The following RAB33B variants were observed in gnomAD, a reference collection of about 807,000 sequenced individuals.
RAB33B encodes ras-related protein Rab-33B.
RAB33B carries 6 observed loss-of-function variants against 15.0 expected under a neutral mutation model. The observed-to-expected ratio is 0.40, with a 90% CI of 0.22 to 0.79. The LOEUF is 0.79. Ranked by LOEUF, RAB33B falls within the 30% of genes least tolerant of loss-of-function variation. The pLI, the probability that RAB33B is intolerant of heterozygous loss-of-function variation, is 0.37. For synonymous variants in RAB33B, 117 were observed against 108.3 expected (o/e 1.08, Z -0.50); for missense variants, 257 against 296.4 (o/e 0.87, Z 0.98).
chr4:139,454,890 G>A (rs1750034322), intron 1 of RAB33B, among the ~76,000 whole-genome samples: 1 of 152,206 alleles, frequency 6.6e-6, no homozygotes, highest in Non-Finnish European at 1.5e-5. Context: ...TTCGAGCAGT[G>A]CCTTAGATGT....
chr4:139,454,825 G>A (rs1211557940), intron 1 of RAB33B, among the ~76,000 whole-genome samples: 1 of 152,172 alleles, frequency 6.6e-6, no homozygotes, highest in African/African-American at 2.4e-5. Context: ...GAAAAACAGT[G>A]AAATTGCGCG....
At chr4:139,451,401 G>T (rs1306316447), upstream of RAB33B, 1 of 139,684 alleles carries the variant, frequency 7.2e-6, no homozygotes, top group Admixed American at 7.2e-5. Context: ...GAGACAGGAG[G>T]TCTCACTCTG....
At chr4:139,457,109 C>T (rs1424943229) in intron 1 of RAB33B, among the ~76,000 whole-genome samples, 2 of 152,058 alleles carry the variant, frequency 1.3e-5, no homozygotes, top group Non-Finnish European at 2.9e-5. Context: ...TAATCATGGA[C>T]TAGAAAATTT....
chr4:139,461,251 T>C (rs947043634), intron 1 of RAB33B, among the ~76,000 whole-genome samples: 5 of 152,162 alleles, frequency 3.3e-5, no homozygotes, highest in East Asian at 1.9e-4. Flanking sequence ...TGGGAGCCAG[T>C]GGTTCATGTG....
At chr4:139,449,514 G>A (rs1267358701), upstream of RAB33B, 2 of 152,042 alleles carry the variant, frequency 1.3e-5, no homozygotes, top group Non-Finnish European at 2.9e-5. Context: ...AATCTGGGCG[G>A]GCACCATCTA....
chr4:139,460,030 T>G (rs1472888078), intron 1 of RAB33B, among the ~76,000 whole-genome samples: 1 of 152,070 alleles, frequency 6.6e-6, no homozygotes, highest in Non-Finnish European at 1.5e-5. Context: ...AATCCAGAAT[T>G]GAGGTGATAA....
upstream of RAB33B, chr4:139,453,973 C>A: frequency 2.4e-6 from 1 of 422,560 alleles, no homozygotes. Context: ...TGGCGTGTGG[C>A]CGCGGGCAGG....
At chr4:139,440,645 C>T in the RAB33B span, among the ~76,000 whole-genome samples, 3 of 150,952 alleles carry the variant, frequency 2.0e-5, no homozygotes, top group African/African-American at 7.3e-5. Context: ...CAGAGTCTCG[C>T]TCTGTTACCT....
intron 1 of RAB33B, among the ~76,000 whole-genome samples, chr4:139,472,062 G>A (rs1012322274): frequency 2.0e-5 from 3 of 152,128 alleles, no homozygotes; most frequent in African/African-American, 7.2e-5. Context: ...ATTGATTTCT[G>A]TATCTGATCT....
chr4:139,469,746 G>A (rs1010030064), intron 1 of RAB33B, among the ~76,000 whole-genome samples: 9 of 152,168 alleles, frequency 5.9e-5, no homozygotes, highest in Non-Finnish European at 1.0e-4. Context: ...TTGCAGACTC[G>A]TAGAGTTACC....
intron 1 of RAB33B, among the ~76,000 whole-genome samples, chr4:139,466,257 A>G (rs1266404296): frequency 6.6e-6 from 1 of 152,232 alleles, no homozygotes; most frequent in Non-Finnish European, 1.5e-5. Flanking sequence ...TTTATAAATG[A>G]CATGCATGTT....
upstream of RAB33B, chr4:139,454,003 G>C (rs886059075): frequency 1.9e-6 from 1 of 513,832 alleles, no homozygotes; most frequent in Non-Finnish European, 3.1e-6. Context: ...GCGGCGGGGC[G>C]GGCGGGTGCC....
Position 139,458,782 on chromosome 4 carries a change from G to A in RAB33B, c.249+4338G>A, listed in dbSNP as rs542315122. On this transcript the variant is annotated intron_variant, in intron 1 of 1. Coordinates refer to ENST00000305626, the MANE Select transcript of RAB33B (RefSeq NM_031296.3). ...TCCTTTGAGTGTATACCCAATAATGGGATTGCTGGAGCAAATGATAATTCT... is the reference window on the plus strand; with the variant it reads ...TCCTTTGAGTGTATACCCAATAATGAGATTGCTGGAGCAAATGATAATTCT... Among the ~76,000 whole-genome samples, 11 of 152,274 alleles carry A rather than the reference G, an allele frequency of 7.2e-5. No homozygotes were observed. The South Asian group carries it at 1.5e-3, about 20-fold the overall frequency.
At chr4:139,445,408 G>T in the RAB33B span, among the ~76,000 whole-genome samples, 1 of 152,226 alleles carries the variant, frequency 6.6e-6, no homozygotes, top group Non-Finnish European at 1.5e-5. Flanking sequence ...TGAGCAAGAA[G>T]TAGCAAATAC....
intron 1 of RAB33B, 98 bp downstream of exon 1, chr4:139,454,542 C>G: frequency 1.5e-6 from 2 of 1,349,534 alleles, no homozygotes; most frequent in Non-Finnish European, 2.0e-6. Context: ...GTGTGCGCTC[C>G]ATTTTTTTCT....
chr4:139,454,018 C>T (rs889743970), upstream of RAB33B: 1 of 661,954 alleles, frequency 1.5e-6, no homozygotes, highest in South Asian at 2.3e-5. Flanking sequence ...GGTGCCACAC[C>T]TGTGCGGGCA....
chr4:139,470,750 A>C (rs1328698569), intron 1 of RAB33B, among the ~76,000 whole-genome samples: 1 of 152,070 alleles, frequency 6.6e-6, no homozygotes, highest in East Asian at 1.9e-4. Context: ...GTTAGCAGTG[A>C]TGAATGCTGC....
the RAB33B span, among the ~76,000 whole-genome samples, chr4:139,439,720 CTT>C: frequency 1.3e-5 from 2 of 152,248 alleles, no homozygotes; most frequent in Admixed American, 1.3e-4. Context: ...TCTTCAATCT[CTT>C]TTCTTTCTGT....
rs184840086 is a variant in RAB33B, at chr4:139,459,000, A to C, written c.249+4556A>C. Among the ~76,000 whole-genome samples the C allele has an allele frequency of 7.9e-5, 12 of 152,160 alleles. No homozygotes were observed. The East Asian group carries it at 2.3e-3, about 29-fold the overall frequency. On this transcript the variant is annotated intron_variant, in intron 1 of 1. Coordinates refer to ENST00000305626, the MANE Select transcript of RAB33B (RefSeq NM_031296.3). Reference sequence around the variant, plus strand: ...TGTGGTTTTGATTTACATTTCTCTCATGATTAGTGATGTTGAGCATTTTTT... The same window carrying C: ...TGTGGTTTTGATTTACATTTCTCTCCTGATTAGTGATGTTGAGCATTTTTT...
Sources: gnomAD v4.1 joint callset for allele counts (sites outside exome capture counted in the v4.1 genomes callset) on GRCh38, gnomAD v4.1.1 for gene constraint, MANE v1.5 for transcripts, NCBI Gene and HGNC (gene_info 2026-07-23, HGNC 2026-07-21) for gene names.